CRYZL1: variants seen among roughly 807,000 people sequenced by gnomAD.
CRYZL1 encodes the protein ferry endosomal RAB5 effector complex subunit 4.
CRYZL1 carries 34 observed loss-of-function variants against 50.6 expected under a neutral mutation model. The ratio of observed to expected loss-of-function variants is 0.67; its 90% CI spans 0.51 to 0.89. CRYZL1 has a LOEUF of 0.89. Among genes scored for constraint, CRYZL1 ranks in the 40% least tolerant of loss-of-function variants. The pLI is 0.00. For synonymous variants in CRYZL1, 125 were observed against 134.3 expected, an observed-to-expected ratio of 0.93 and a Z score of 0.48; for missense variants, 354 against 402.3, an observed-to-expected ratio of 0.88 and a Z score of 1.03.
At chr21:33,592,320 A>G (rs1397246455) in intron 11 of CRYZL1, among the ~76,000 whole-genome samples, 1 of 151,734 alleles carries the variant, frequency 6.6e-6, no homozygotes, top group Non-Finnish European at 1.5e-5. Context: ...TTATTTTTGT[A>G]TAGACAGGGT....
At chr21:33,613,694 G>T (rs2086897565) in intron 5 of CRYZL1, 88 bp from the exon 6 acceptor site, 4 of 943,056 alleles carry the variant, frequency 4.2e-6, no homozygotes, top group South Asian at 2.8e-5. Context: ...TTTGTTCAGT[G>T]AAATTTTGAG....
chr21:33,605,545 T>C (rs2086803702), intron 6 of CRYZL1, among the ~76,000 whole-genome samples: 1 of 142,562 alleles, frequency 7.0e-6, no homozygotes, highest in Non-Finnish European at 1.5e-5. Context: ...TTTTTTGAGA[T>C]GGAGTCTCAC....
In CRYZL1 at chr21:33,602,249, A is replaced by C; in HGVS notation, c.562T>G (p.Phe188Val). ...SLEDKQCLERFRPPIARVIDV... is the reference protein window; with the variant it reads ...SLEDKQCLERVRPPIARVIDV... ...TATTACCCACCTATGGGAGGTCTGA[A>C]TCTTTCAAGGCACTGCTTATCTTCA... is the stretch of plus-strand genomic sequence containing the variant. The change falls in exon 8 of 13, where the codon TTC (phenylalanine) becomes GTC (valine). Residue 188 changes from phenylalanine (F) to valine (V), a missense_variant. Physicochemically the swap from Phe to Val is conservative, Grantham distance 50. Coordinates refer to ENST00000381554, the MANE Select transcript of CRYZL1 (RefSeq NM_145858.3). 1 of 1,595,848 alleles carries C rather than the reference A, an allele frequency of 6.3e-7. No homozygotes were observed. Among genetic ancestry groups the C allele is most frequent in the Non-Finnish European group, 8.6e-7 (1 of 1,163,250 alleles).
chr21:33,611,943 TGA>T (rs1049386014), intron 6 of CRYZL1, among the ~76,000 whole-genome samples: 5 of 152,262 alleles, frequency 3.3e-5, no homozygotes, highest in African/African-American at 1.2e-4. Context: ...ATGCTGTTTG[TGA>T]GAGTCATCCA....
At position 33,589,685 on chromosome 21, in the gene CRYZL1, C is replaced by T; in HGVS notation, c.*137G>A. On this transcript the variant is annotated 3_prime_UTR_variant, in exon 13 of 13. Transcript: ENST00000381554. ...CTTTTCAAATGTGTCAACTGAGCAT[C>T]TTGTCTTAGCAGAGAAACGTGCTTA... 3.3e-6 allele frequency: 2 copies of T among 614,556 alleles called. No homozygotes were observed. The highest frequency in any genetic ancestry group is 5.9e-6 in the Non-Finnish European group (2 of 338,858). 38.1% of individuals were successfully genotyped at this position (614,556 alleles called of 1,614,324 possible).
intron 9 of CRYZL1, among the ~76,000 whole-genome samples, chr21:33,598,394 A>G (rs1163013830): frequency 3.3e-5 from 5 of 152,238 alleles, no homozygotes; most frequent in Non-Finnish European, 5.9e-5. Context: ...AAATCCTACC[A>G]AAGTATAAAT....
rs867837110 is a variant in CRYZL1, at chr21:33,589,797, G to A, written c.*25C>T. ...TTCAAATACTGGAATATGTTCATCC[G>A]ACTGAGGTCTGAGAAAGAAGAAAAT... On this transcript the variant is annotated 3_prime_UTR_variant, in exon 13 of 13. Coordinates refer to ENST00000381554, the MANE Select transcript of CRYZL1 (RefSeq NM_145858.3). The A allele has an allele frequency of 2.1e-6, 3 of 1,401,674 alleles. No homozygotes were observed. Among genetic ancestry groups the A allele is most frequent in the Non-Finnish European group, 1.0e-6 (1 of 988,936 alleles). The allele number at this position is 1,401,674 out of a possible 1,614,324, so 86.8% of individuals were successfully genotyped here.
At chr21:33,598,946 T>C (rs1256735295) in intron 9 of CRYZL1, among the ~76,000 whole-genome samples, 1 of 152,034 alleles carries the variant, frequency 6.6e-6, no homozygotes, top group East Asian at 1.9e-4. Flanking sequence ...AAGATAAGCA[T>C]GTTCTCTCTT....
intron 11 of CRYZL1, among the ~76,000 whole-genome samples, chr21:33,593,554 CAT>C (rs1462508918): frequency 6.6e-5 from 10 of 152,200 alleles, no homozygotes; most frequent in Admixed American, 2.6e-4. Context: ...TTCATATACA[CAT>C]GTCATGTTTC....
At chr21:33,590,143 G>C (rs2086629034) in intron 12 of CRYZL1, among the ~76,000 whole-genome samples, 1 of 151,914 alleles carries the variant, frequency 6.6e-6, no homozygotes, top group South Asian at 2.1e-4. Context: ...TCAGCCTCCT[G>C]AGTAGCTGGG....
At position 33,632,480 on chromosome 21, in the gene CRYZL1, C is replaced by T. The variant is rs190773281; in HGVS notation, c.-6-923G>A. On this transcript the variant is annotated intron_variant, in intron 1 of 12. Transcript: ENST00000381554. ...GCAACCTCCGTTTCCCAGGTTCAAGCGATCCGCCTGCCTCAGCCCCCCTAG... is the reference window on the plus strand; with the variant it reads ...GCAACCTCCGTTTCCCAGGTTCAAGTGATCCGCCTGCCTCAGCCCCCCTAG... Among the ~76,000 whole-genome samples the T allele has an allele frequency of 4.4e-3, 669 of 152,006 alleles. 2 individuals carry two copies. The highest frequency in any genetic ancestry group is 0.014 in the Middle Eastern group (4 of 294).
At chr21:33,631,579 T>C in intron 1 of CRYZL1, 22 bp from the exon 2 acceptor site, 1 of 1,382,140 alleles carries the variant, frequency 7.2e-7, no homozygotes, top group East Asian at 2.8e-5. Context: ...TATATATAAA[T>C]GAAATAAAAT....
intron 7 of CRYZL1, 159 bp downstream of exon 7, chr21:33,603,245 T>G: frequency 1.3e-6 from 1 of 754,150 alleles, no homozygotes; most frequent in South Asian, 2.1e-5. Context: ...GATCTTCTAT[T>G]GATAAAAGCT....
rs2086687220 is a variant in CRYZL1, at chr21:33,595,737, A to G, written c.898T>C (p.Tyr300His). 6.2e-7 allele frequency: 1 copy of G among 1,613,418 alleles called. No homozygotes were observed. Among genetic ancestry groups the G allele is most frequent in the African/African-American group, 1.3e-5 (1 of 75,036 alleles). Residue 300 changes from tyrosine to histidine, a missense_variant, in exon 11 of 13, where the codon TAT (tyrosine) becomes CAT (histidine). Physicochemically the swap from Tyr to His is moderately conservative, Grantham distance 83 (BLOSUM62 2). Coordinates refer to ENST00000381554, the MANE Select transcript of CRYZL1 (RefSeq NM_145858.3). ...WNLSNVQQGK[Y>H]LCILKDVMEK... ...CAGTCGATAAAAAGGATATAAAGATATTTTCCCTGTTGTACATTTGACAAA... is the reference window on the plus strand; with the variant it reads ...CAGTCGATAAAAAGGATATAAAGATGTTTTCCCTGTTGTACATTTGACAAA...
At chr21:33,629,902 T>C (rs1187664401) in intron 2 of CRYZL1, among the ~76,000 whole-genome samples, 1 of 152,242 alleles carries the variant, frequency 6.6e-6, no homozygotes, top group Non-Finnish European at 1.5e-5. Context: ...TTGATGTATA[T>C]TCATTCTATG....
chr21:33,635,364 T>C (rs1374062363), intron 1 of CRYZL1, among the ~76,000 whole-genome samples: 1 of 146,770 alleles, frequency 6.8e-6, no homozygotes, highest in African/African-American at 2.5e-5. Context: ...TTTTTTTTTT[T>C]TTTTGAGACG....
chr21:33,617,004 C>T (rs547229740), intron 4 of CRYZL1: 1 of 249,920 alleles, frequency 4.0e-6, no homozygotes, highest in African/African-American at 2.3e-5. Flanking sequence ...CTCTCTTTGC[C>T]TATTTAGTTG....
At chr21:33,638,903 A>T (rs1443896678) in intron 1 of CRYZL1, among the ~76,000 whole-genome samples, 1 of 152,216 alleles carries the variant, frequency 6.6e-6, no homozygotes, top group Non-Finnish European at 1.5e-5. Flanking sequence ...TCCAGAGTCA[A>T]CTGAGTGGGA....
At chr21:33,620,966 C>T (rs868733335) in intron 4 of CRYZL1, among the ~76,000 whole-genome samples, 1 of 5,716 alleles carries the variant, frequency 1.7e-4, no homozygotes, top group African/African-American at 5.4e-4. Context: ...AGTGCAGTGG[C>T]GCAATCTCGG....
Sources: allele counts gnomAD v4.1 joint callset (sites outside exome capture counted in the v4.1 genomes callset), GRCh38; gene constraint gnomAD v4.1.1; transcripts MANE v1.5; gene names NCBI Gene and HGNC (gene_info 2026-07-23, HGNC 2026-07-21).